Variants in FRMD4B observed in about 807,000 individuals in gnomAD.
FRMD4B encodes the protein FERM domain-containing protein 4B.
Under a neutral mutation model 141.5 loss-of-function variants are expected in FRMD4B, and 74 were observed. That is an observed-to-expected ratio of 0.52 (90% CI 0.43 to 0.63). The LOEUF is 0.63. Among genes scored for constraint, FRMD4B ranks in the 30% least tolerant of loss-of-function variants. FRMD4B has a pLI of 0.00. For synonymous variants in FRMD4B, 506 were observed against 467.9 expected, an observed-to-expected ratio of 1.08 and a Z score of -1.05; for missense variants, 1,366 against 1,253.4, an observed-to-expected ratio of 1.09 and a Z score of -1.36.
At chr3:69,532,302 A>C (rs1452741015) in intron 1 of FRMD4B, among the ~76,000 whole-genome samples, 1 of 152,372 alleles carries the variant, frequency 6.6e-6, no homozygotes, top group Non-Finnish European at 1.5e-5. Flanking sequence ...CTTTTACTGC[A>C]TGACAAATAA....
At chr3:69,434,053 ATCTT>A (rs1705222290) in intron 1 of FRMD4B, among the ~76,000 whole-genome samples, 1 of 152,208 alleles carries the variant, frequency 6.6e-6, no homozygotes, top group African/African-American at 2.4e-5. Context: ...ATCTCTCCAC[ATCTT>A]TCTTGTGTCT....
At chr3:69,268,121 A>C (rs1203933668) in intron 5 of FRMD4B, among the ~76,000 whole-genome samples, 2 of 151,960 alleles carry the variant, frequency 1.3e-5, no homozygotes, top group Non-Finnish European at 1.5e-5. Context: ...GCCCAGGAAG[A>C]ATGAGGCTGT....
intron 1 of FRMD4B, among the ~76,000 whole-genome samples, chr3:69,359,523 T>C (rs1393778168): frequency 6.6e-6 from 1 of 152,252 alleles, no homozygotes; most frequent in Non-Finnish European, 1.5e-5. Context: ...TCACATGTTT[T>C]AGCAGCTGGA....
At position 69,400,995 on chromosome 3, in the gene FRMD4B, T is replaced by G. The variant is rs181306991; in HGVS notation, c.-1+31639A>C. 1.9e-3 allele frequency among the ~76,000 whole-genome samples: 293 copies of G among 152,354 alleles called. 1 individual carries two copies. Among genetic ancestry groups the G allele is most frequent in the Middle Eastern group, 0.01 (3 of 294 alleles). ...CAGAGAATGTCAATGGTTACCGGCA[T>G]TCTTTACTTCCATTTTGAATGCCCT... On this transcript the variant is annotated intron_variant, in intron 2 of 5. Coordinates refer to the FRMD4B transcript ENST00000459638.
At chr3:69,320,454 A>T (rs966330231) in intron 1 of FRMD4B, among the ~76,000 whole-genome samples, 1 of 151,894 alleles carries the variant, frequency 6.6e-6, no homozygotes, top group African/African-American at 2.4e-5. Flanking sequence ...TTAGCCGGGC[A>T]TTGTGGTGTG....
intron 2 of FRMD4B, among the ~76,000 whole-genome samples, chr3:69,408,565 G>T (rs547000223): frequency 1.3e-5 from 2 of 152,324 alleles, no homozygotes; most frequent in South Asian, 2.1e-4. Flanking sequence ...CGTGGGACCT[G>T]TAAGTTTTGA....
At chr3:69,459,640 G>A (rs1705679197) in intron 1 of FRMD4B, among the ~76,000 whole-genome samples, 1 of 152,218 alleles carries the variant, frequency 6.6e-6, no homozygotes, top group Admixed American at 6.5e-5. Flanking sequence ...CATTAGCCAT[G>A]TGACCTTGGG....
chr3:69,280,877 C>T (rs1348095654), intron 5 of FRMD4B, among the ~76,000 whole-genome samples: 2 of 152,146 alleles, frequency 1.3e-5, no homozygotes, highest in African/African-American at 4.8e-5. Flanking sequence ...CCCTGGCCTC[C>T]CGAAGTGCTG....
chr3:69,524,766 C>T (rs1700908165), intron 1 of FRMD4B, among the ~76,000 whole-genome samples: 1 of 152,224 alleles, frequency 6.6e-6, no homozygotes, highest in South Asian at 2.1e-4. Flanking sequence ...CTTCCTCTCA[C>T]AGTCCTTTAG....
At chr3:69,212,038 A>G (rs1231740645) in intron 11 of FRMD4B, among the ~76,000 whole-genome samples, 1 of 151,990 alleles carries the variant, frequency 6.6e-6, no homozygotes, top group East Asian at 1.9e-4. Flanking sequence ...CCCCCAAAAA[A>G]AAAAACGGAG....
At chr3:69,454,573 G>A (rs193032178) in intron 1 of FRMD4B, among the ~76,000 whole-genome samples, 1 of 152,322 alleles carries the variant, frequency 6.6e-6, no homozygotes, top group African/African-American at 2.4e-5. Flanking sequence ...GAGGGGCTTA[G>A]CACCCAGGCC....
intron 13 of FRMD4B, 30 bp downstream of exon 13, chr3:69,196,870 G>A: frequency 6.4e-7 from 1 of 1,550,952 alleles, no homozygotes; most frequent in Non-Finnish European, 8.9e-7. Flanking sequence ...AGGGGAATCT[G>A]TCCCTATAGA....
At chr3:69,372,033 A>G (rs1703839907) in intron 1 of FRMD4B, among the ~76,000 whole-genome samples, 1 of 151,976 alleles carries the variant, frequency 6.6e-6, no homozygotes, top group Non-Finnish European at 1.5e-5. Flanking sequence ...TGACCTTAAC[A>G]TTTCTTGCAA....
chr3:69,378,431 T>A (rs1344677662), intron 1 of FRMD4B, among the ~76,000 whole-genome samples: 1 of 152,196 alleles, frequency 6.6e-6, no homozygotes, highest in African/African-American at 2.4e-5. Flanking sequence ...TCTGTGGGCC[T>A]GAATGACAGT....
chr3:69,477,555 C>A (rs1239704066), intron 1 of FRMD4B, among the ~76,000 whole-genome samples: 3 of 151,596 alleles, frequency 2.0e-5, no homozygotes, highest in African/African-American at 4.9e-5. Flanking sequence ...GGATGAAGCC[C>A]ACTTGATCAT....
intron 1 of FRMD4B, among the ~76,000 whole-genome samples, chr3:69,438,088 TATATA>T (rs1325552980): frequency 2.0e-5 from 3 of 146,864 alleles, no homozygotes; most frequent in East Asian, 2.0e-4. Context: ...TTATCTATTA[TATATA>T]ATATAATAGT....
chr3:69,434,765 A>G (rs534486994), intron 1 of FRMD4B, among the ~76,000 whole-genome samples: 11 of 152,342 alleles, frequency 7.2e-5, no homozygotes, highest in Admixed American at 2.0e-4. Context: ...AAATGTTAAG[A>G]TCTCAATGAG....
At chr3:69,447,189 G>A (rs1220600441) in intron 1 of FRMD4B, among the ~76,000 whole-genome samples, 1 of 152,176 alleles carries the variant, frequency 6.6e-6, no homozygotes, top group Non-Finnish European at 1.5e-5. Context: ...TTTCTAAACA[G>A]TATCATAATT....
At chr3:69,540,652 T>TACACACAC (rs1411118617) in intron 1 of FRMD4B, among the ~76,000 whole-genome samples, 1 of 82,042 alleles carries the variant, frequency 1.2e-5, no homozygotes, top group African/African-American at 6.8e-5. Context: ...TATATATATA[T>TACACACAC]ATATATATAC....
Sources: allele counts gnomAD v4.1 joint callset (sites outside exome capture counted in the v4.1 genomes callset), GRCh38; gene constraint gnomAD v4.1.1; transcripts MANE v1.5; gene names NCBI Gene and HGNC (gene_info 2026-07-23, HGNC 2026-07-21).